The following ATF1 variants were observed in gnomAD, a reference collection of about 807,000 sequenced individuals.
The protein encoded by ATF1 is cyclic AMP-dependent transcription factor ATF-1.
In ATF1, 16 loss-of-function variants were observed where a neutral mutation model predicts 34.7. The observed-to-expected ratio is 0.46, with a 90% CI of 0.31 to 0.70. The LOEUF (loss-of-function observed/expected upper bound fraction) is 0.70, where lower values mean the gene tolerates loss of function less well. ATF1 is among the 30% of genes least tolerant of loss of function. The probability of loss-of-function intolerance (pLI) is 0.05; values close to 1 mark genes in which losing one functional copy is unlikely to be tolerated. For missense variants in ATF1, 255 were observed against 321.6 expected (o/e 0.79, Z 1.58); for synonymous variants, 105 against 113.1 (o/e 0.93, Z 0.46).
chr12:50,813,444 GTAA>G (rs932588614), intron 4 of ATF1, among the ~76,000 whole-genome samples: 10 of 152,052 alleles, frequency 6.6e-5, no homozygotes, highest in Non-Finnish European at 1.5e-4. Flanking sequence ...ATATTTTAAA[GTAA>G]TAATATTTTT....
intron 1 of ATF1, among the ~76,000 whole-genome samples, chr12:50,778,050 G>A (rs1940968616): frequency 6.6e-6 from 1 of 151,152 alleles, no homozygotes. Flanking sequence ...CTGAGTAGCT[G>A]AGACTACAGG....
chr12:50,808,432 A>G (rs1417287612), intron 3 of ATF1, among the ~76,000 whole-genome samples: 5 of 151,140 alleles, frequency 3.3e-5, no homozygotes, highest in African/African-American at 1.2e-4. Context: ...AGGTTCAAGC[A>G]ATTCTTCTAC....
chr12:50,814,529 TGG>T lies in ATF1; in HGVS notation c.671+92_671+93del, dbSNP rs1055046316. ...TGTTAACTGGAACTGTATACAGTCA[TGG>T]GCTGCATGACAATGTTTAAGTAAAC... On this transcript the variant is annotated intron_variant, in intron 6 of 6. Coordinates refer to ENST00000262053, the MANE Select transcript of ATF1 (RefSeq NM_005171.5). The T allele has an allele frequency of 3.8e-6, 5 of 1,322,030 alleles. No individual in the cohort carries two copies. The African/African-American group carries it at 7.4e-5, about 20-fold the overall frequency. The allele number at this position is 1,322,030 out of a possible 1,614,324, so 81.9% of individuals were successfully genotyped here.
intron 3 of ATF1, among the ~76,000 whole-genome samples, chr12:50,805,373 T>C (rs1164759883): frequency 2.0e-5 from 3 of 151,592 alleles, no homozygotes; most frequent in East Asian, 3.9e-4. Context: ...CTGGGCAACA[T>C]AGGGATACCT....
At position 50,819,992 on chromosome 12, in the gene ATF1, T is replaced by C. The variant is rs189354008; in HGVS notation, c.*213T>C. On this transcript the variant is annotated 3_prime_UTR_variant, in exon 7 of 7. Transcript: ENST00000262053. Reference sequence around the variant, plus strand: ...GGCACAACTGGAAGCTTTGTAGAAATTAAACATATTCAAGGAGCAAGAAAT... The same window carrying C: ...GGCACAACTGGAAGCTTTGTAGAAACTAAACATATTCAAGGAGCAAGAAAT... 32 of 377,086 alleles carry C rather than the reference T, an allele frequency of 8.5e-5. No homozygotes were observed. The highest frequency in any genetic ancestry group is 6.1e-4 in the African/African-American group (29 of 47,838). 23.4% of individuals were successfully genotyped at this position (377,086 alleles called of 1,614,324 possible).
chr12:50,817,053 A>G (rs1941857245), intron 6 of ATF1, among the ~76,000 whole-genome samples: 1 of 152,222 alleles, frequency 6.6e-6, no homozygotes, highest in African/African-American at 2.4e-5. Context: ...AGGAATTCAT[A>G]GATACTACTA....
chr12:50,780,947 G>A (rs1173576306), intron 2 of ATF1, among the ~76,000 whole-genome samples: 1 of 151,828 alleles, frequency 6.6e-6, no homozygotes, highest in African/African-American at 2.4e-5. Context: ...GCAATAGAAC[G>A]AGACTCCATA....
At chr12:50,803,498 TAAA>T (rs35063138) in intron 3 of ATF1, among the ~76,000 whole-genome samples, 4 of 143,806 alleles carry the variant, frequency 2.8e-5, no homozygotes, top group Admixed American at 7.0e-5. Flanking sequence ...GGTAAGAATG[TAAA>T]AAAAAAAAAA....
intron 2 of ATF1, among the ~76,000 whole-genome samples, chr12:50,792,887 A>G (rs551628377): frequency 1.3e-5 from 2 of 152,242 alleles, no homozygotes; most frequent in Admixed American, 6.5e-5. Context: ...CTCTTGTAGT[A>G]GAGGAAAGTT....
chr12:50,764,886 CAG>C (rs1451833348), intron 1 of ATF1, among the ~76,000 whole-genome samples: 5 of 152,230 alleles, frequency 3.3e-5, no homozygotes, highest in African/African-American at 7.2e-5. Context: ...GCAGCGGAGA[CAG>C]AGTGGGGACA....
intron 1 of ATF1, among the ~76,000 whole-genome samples, chr12:50,772,875 C>T (rs964286849): frequency 2.6e-5 from 4 of 152,072 alleles, no homozygotes; most frequent in African/African-American, 4.8e-5. Context: ...AGGTATTAAG[C>T]GCAGCATCCA....
chr12:50,770,258 C>G (rs1447224648), intron 1 of ATF1, among the ~76,000 whole-genome samples: 1 of 152,154 alleles, frequency 6.6e-6, no homozygotes, highest in Non-Finnish European at 1.5e-5. Flanking sequence ...GGTTATTTTA[C>G]CAAGGCTTTG....
At chr12:50,805,068 C>G (rs771210205) in intron 3 of ATF1, among the ~76,000 whole-genome samples, 5 of 151,996 alleles carry the variant, frequency 3.3e-5, no homozygotes, top group Non-Finnish European at 5.9e-5. Flanking sequence ...ACCTCGGTCT[C>G]CCAAAGTGCT....
chr12:50,818,038 T>G (rs1592206915), intron 6 of ATF1, among the ~76,000 whole-genome samples: 1 of 152,298 alleles, frequency 6.6e-6, no homozygotes, highest in South Asian at 2.1e-4. Context: ...ATTTTTTTCC[T>G]TCCTTTTTTC....
intron 2 of ATF1, among the ~76,000 whole-genome samples, chr12:50,786,360 C>T (rs10783387): frequency 0.35 from 52,972 of 151,962 alleles, 9,480 homozygotes; most frequent in Non-Finnish European, 0.39. Flanking sequence ...AGCAGGGCTG[C>T]GTACTAGCAG....
At chr12:50,811,283 C>T (rs1613835) in intron 4 of ATF1, among the ~76,000 whole-genome samples, 33,282 of 151,926 alleles carry the variant, frequency 0.22, 4,753 homozygotes, top group Non-Finnish European at 0.32. Flanking sequence ...TAAGTCAGTA[C>T]ATATTAGTTT....
rs546075088 is a variant in ATF1 at position 50,803,839 on chromosome 12, C to T, written c.195-5617C>T. Reference sequence around the variant, plus strand: ...TTGAAAATATTAAACTAAAAGAAGTCATTTGCAAAAGATTGCATATTGTAT... The same window carrying T: ...TTGAAAATATTAAACTAAAAGAAGTTATTTGCAAAAGATTGCATATTGTAT... On this transcript the variant is annotated intron_variant, in intron 3 of 6. Coordinates refer to ENST00000262053, the MANE Select transcript of ATF1 (RefSeq NM_005171.5). Among the ~76,000 whole-genome samples, 27 of 152,252 alleles carry T rather than the reference C, an allele frequency of 1.8e-4. No homozygotes were observed. The South Asian group carries it at 5.2e-3, about 29-fold the overall frequency.
At chr12:50,799,420 A>G (rs568604426) in intron 3 of ATF1, among the ~76,000 whole-genome samples, 54 of 152,260 alleles carry the variant, frequency 3.5e-4, no homozygotes, top group African/African-American at 1.0e-3. Flanking sequence ...AATATAAAAC[A>G]TTTTTTATTA....
chr12:50,787,275 G>A (rs1480469567), intron 2 of ATF1, among the ~76,000 whole-genome samples: 1 of 152,116 alleles, frequency 6.6e-6, no homozygotes, highest in Non-Finnish European at 1.5e-5. Flanking sequence ...ACAATAAACA[G>A]AACCAGACTC....
Sources: gnomAD v4.1 joint callset for allele counts (sites outside exome capture counted in the v4.1 genomes callset) on GRCh38, gnomAD v4.1.1 for gene constraint, MANE v1.5 for transcripts, NCBI Gene and HGNC (gene_info 2026-07-23, HGNC 2026-07-21) for gene names.